The following ANKRD36C variants were observed in gnomAD, a reference collection of about 807,000 sequenced individuals.
ANKRD36C encodes the protein ankyrin repeat domain 36C.
ANKRD36C carries 61 observed loss-of-function variants against 276.4 expected under a neutral mutation model. The ratio of observed to expected loss-of-function variants is 0.22; its 90% CI spans 0.18 to 0.27. The LOEUF (loss-of-function observed/expected upper bound fraction) is 0.27, where lower values mean the gene tolerates loss of function less well. ANKRD36C is among the 10% of genes least tolerant of loss of function. The pLI is 1.00. For missense variants in ANKRD36C, 1,447 were observed against 2,032.3 expected, an observed-to-expected ratio of 0.71 and a Z score of 5.54; for synonymous variants, 483 against 680.1, an observed-to-expected ratio of 0.71 and a Z score of 4.51.
chr2:95,897,379 A>T, intron 44 of ANKRD36C, 37 bp from the exon 60 acceptor site: 1 of 1,551,186 alleles, frequency 6.4e-7, no homozygotes, highest in South Asian at 1.2e-5. Flanking sequence ...AAATTAATAA[A>T]GTATGTTTCA....
intron 59 of ANKRD36C, among the ~76,000 whole-genome samples, chr2:95,870,783 A>C (rs749006231): frequency 2.6e-4 from 40 of 152,176 alleles, no homozygotes; most frequent in Admixed American, 4.6e-4. Flanking sequence ...ATTTAGACGA[A>C]TGTATACCTA....
chr2:95,916,815 T>C (rs1161389881), intron 36 of ANKRD36C, among the ~76,000 whole-genome samples: 2 of 151,654 alleles, frequency 1.3e-5, no homozygotes, highest in African/African-American at 2.4e-5. Context: ...CTATAATTTC[T>C]TCATCTAGTC....
At chr2:95,886,178 C>T (rs1367324721) in intron 51 of ANKRD36C, 38 bp downstream of exon 71, 14 of 1,521,998 alleles carry the variant, frequency 9.2e-6, no homozygotes, top group Middle Eastern at 1.8e-4. Flanking sequence ...ATAGACTATA[C>T]AGTTAATAGT....
At position 95,924,136 on chromosome 2, in the gene ANKRD36C, G is replaced by A. The variant is rs541402739; in HGVS notation, c.2042-447C>T. On this transcript the variant is annotated intron_variant, in intron 30 of 66. Coordinates refer to ENST00000456556, the Ensembl canonical transcript of ANKRD36C. ...CTTTAACTTGCCTGATAACTGAGAA[G>A]GTACACAATTACAATGACACTTCAG... Among the ~76,000 whole-genome samples, 4 of 151,672 alleles carry A rather than the reference G, an allele frequency of 2.6e-5. 1 individual carries two copies. The highest frequency in any genetic ancestry group is 2.6e-4 in the Admixed American group (4 of 15,230).
At chr2:95,934,943 C>T (rs375956217) in intron 24 of ANKRD36C, among the ~76,000 whole-genome samples, 1,991 of 123,078 alleles carry the variant, frequency 0.016, no homozygotes, top group African/African-American at 0.035. Flanking sequence ...ATCACACACA[C>T]CCAAACTCAC....
At chr2:95,850,359 G>A (rs2950717), downstream of ANKRD36C, among the ~76,000 whole-genome samples, 2 of 152,320 alleles carry the variant, frequency 1.3e-5, no homozygotes, top group African/African-American at 4.8e-5. Flanking sequence ...TACAATGACA[G>A]GCATAAGACA....
intron 26 of ANKRD36C, among the ~76,000 whole-genome samples, chr2:95,928,841 A>ATGGT (rs1677482201): frequency 6.6e-6 from 1 of 151,590 alleles, no homozygotes; most frequent in African/African-American, 2.4e-5. Context: ...CTTCTCTCCA[A>ATGGT]TGGTTCTTCT....
intron 6 of ANKRD36C, among the ~76,000 whole-genome samples, chr2:95,977,476 C>T (rs1210083884): frequency 6.6e-6 from 1 of 152,074 alleles, no homozygotes; most frequent in Non-Finnish European, 1.5e-5. Context: ...AAAAGACCAA[C>T]ATTTTAAAAT....
At chr2:95,985,969 T>C (rs1679018521) in intron 3 of ANKRD36C, among the ~76,000 whole-genome samples, 1 of 152,056 alleles carries the variant, frequency 6.6e-6, no homozygotes, top group South Asian at 2.1e-4. Context: ...GTCCATTAAT[T>C]ATGTGTTCTT....
At chr2:95,964,816 TTCCAGGATATGAACCCTTTCATGTACAC>T (rs1678553925) in intron 6 of ANKRD36C, among the ~76,000 whole-genome samples, 1 of 152,092 alleles carries the variant, frequency 6.6e-6, no homozygotes, top group Non-Finnish European at 1.5e-5. Context: ...AATTAGAATC[TTCCAGGATATGAACCCTTTCATGTACAC>T]AAGACTTTGT....
At chr2:95,929,655 G>A (rs994372122) in intron 24 of ANKRD36C, among the ~76,000 whole-genome samples, 3 of 151,608 alleles carry the variant, frequency 2.0e-5, no homozygotes, top group African/African-American at 7.3e-5. Context: ...TGTCTTTCAT[G>A]CAAGATATCA....
chr2:95,895,643 T>A, intron 44 of ANKRD36C, 53 bp from the exon 61 acceptor site: 1 of 1,566,212 alleles, frequency 6.4e-7, no homozygotes, highest in Non-Finnish European at 8.7e-7. Context: ...GATAAAGTTA[T>A]CCATACATTC....
chr2:95,880,290 G>T (rs1676047761), intron 58 of ANKRD36C, 137 bp downstream of exon 78: 3 of 1,067,896 alleles, frequency 2.8e-6, no homozygotes, highest in South Asian at 3.2e-5. Context: ...ATATAAAAAT[G>T]ATAACAGCTG....
At chr2:95,882,623 AGTTT>A (rs1676111233) in intron 54 of ANKRD36C, 126 bp from the exon 75 acceptor site, 1 of 1,184,284 alleles carries the variant, frequency 8.4e-7, no homozygotes, top group Non-Finnish European at 1.2e-6. Context: ...GATGTTTTAC[AGTTT>A]GTGTCTTTGG....
At chr2:95,882,243 G>A in intron 56 of ANKRD36C, 59 bp downstream of exon 76, 6 of 1,541,054 alleles carry the variant, frequency 3.9e-6, no homozygotes, top group South Asian at 2.4e-5. Context: ...CTATTCAGGG[G>A]TGGGACATTG....
intron 61 of ANKRD36C, among the ~76,000 whole-genome samples, 172 bp downstream of exon 81, chr2:95,859,689 A>AT (rs370727309): frequency 6.6e-6 from 1 of 152,204 alleles, no homozygotes. Context: ...TTAGAGAAGT[A>AT]TCACAATTAA....
Position 95,872,894 on chromosome 2 carries a change from C to T in ANKRD36C, c.3540+3545G>A, listed in dbSNP as rs1202766288. ...TCAAAGAATACTACAAACACCTCTA[C>T]GCAAATAAACTAGAAAATCTAGAAG... On this transcript the variant is annotated intron_variant, in intron 59 of 66. Transcript: ENST00000456556. Among the ~76,000 whole-genome samples the T allele has an allele frequency of 3.9e-5, 6 of 152,058 alleles. No individual in the cohort carries two copies. In the East Asian group the frequency reaches 5.8e-4, roughly 15 times the overall value.
downstream of ANKRD36C, among the ~76,000 whole-genome samples, chr2:95,850,526 C>T (rs80224542): frequency 1.2e-4 from 18 of 151,118 alleles, no homozygotes; most frequent in Non-Finnish European, 2.2e-4. Context: ...GAGGTGAAGA[C>T]GATCACTGTG....
At position 95,912,457 on chromosome 2, in the gene ANKRD36C, T is replaced by C. The variant is rs1351494231; in HGVS notation, c.2552-22A>G. The C allele has an allele frequency of 6.9e-6, 11 of 1,604,840 alleles. No individual in the cohort carries two copies. The Admixed American group carries it at 1.3e-4, about 20-fold the overall frequency. Reference sequence around the variant, plus strand: ...GACACTGAAAAGCAAAAGGGATACATAATCACTCACACGTAAATATGATAA... The same window carrying C: ...GACACTGAAAAGCAAAAGGGATACACAATCACTCACACGTAAATATGATAA... On this transcript the variant is annotated intron_variant, in intron 40 of 66. Coordinates refer to ENST00000456556, the Ensembl canonical transcript of ANKRD36C.
Sources: allele counts gnomAD v4.1 joint callset (sites outside exome capture counted in the v4.1 genomes callset), GRCh38; gene constraint gnomAD v4.1.1; transcripts MANE v1.5; gene names NCBI Gene and HGNC (gene_info 2026-07-23, HGNC 2026-07-21).